NSD2: variants seen among roughly 807,000 people sequenced by gnomAD.
NSD2 encodes histone-lysine N-methyltransferase NSD2.
Under a neutral mutation model 139.0 loss-of-function variants are expected in NSD2, and 12 were observed. The observed-to-expected ratio is 0.09, with a 90% CI of 0.06 to 0.14. NSD2 has a LOEUF of 0.14. NSD2 is among the 10% of genes least tolerant of loss of function. The pLI, the probability that NSD2 is intolerant of heterozygous loss-of-function variation, is 1.00. For synonymous variants in NSD2, 669 were observed against 648.7 expected, an observed-to-expected ratio of 1.03 and a Z score of -0.48; for missense variants, 1,155 against 1,745.0, an observed-to-expected ratio of 0.66 and a Z score of 6.02.
intron 4 of NSD2, among the ~76,000 whole-genome samples, chr4:1,917,472 G>A (rs1405145153): frequency 6.6e-6 from 1 of 152,168 alleles, no homozygotes; most frequent in African/African-American, 2.4e-5. Flanking sequence ...TTTCACTCTT[G>A]TCGCCCAGGC....
chr4:1,981,984 T>C lies in NSD2; in HGVS notation c.*3075T>C. 1 of 398,538 alleles carries C rather than the reference T, an allele frequency of 2.5e-6. No homozygotes were observed. The highest frequency in any genetic ancestry group is 4.4e-6 in the Non-Finnish European group (1 of 226,038). The allele number at this position is 398,538 out of a possible 1,614,324, so 24.7% of individuals were successfully genotyped here. On this transcript the variant is annotated 3_prime_UTR_variant, in exon 22 of 22. Transcript: ENST00000508803. ...CTATTGGTGTCTAAACTTCATACAA[T>C]GTAAGGTCAGATTCCTTTTAGGAAT... is the stretch of plus-strand genomic sequence containing the variant.
intron 5 of NSD2, among the ~76,000 whole-genome samples, chr4:1,929,510 A>G (rs1721378278): frequency 6.6e-6 from 1 of 152,214 alleles, no homozygotes; most frequent in African/African-American, 2.4e-5. Context: ...GCCAGTCAGC[A>G]GACTTTCCAA....
chr4:1,937,050 AC>A (rs1156908029), intron 7 of NSD2, among the ~76,000 whole-genome samples: 2 of 149,262 alleles, frequency 1.3e-5, no homozygotes, highest in African/African-American at 4.9e-5. Context: ...TGCTCTGGTC[AC>A]CTAATTTTTT....
At chr4:1,934,848 A>T (rs1413817171) in intron 6 of NSD2, among the ~76,000 whole-genome samples, 1 of 17,610 alleles carries the variant, frequency 5.7e-5, no homozygotes, top group East Asian at 2.1e-3. Context: ...ACTCCATCTT[A>T]AAAAAAAAAA....
intron 18 of NSD2, among the ~76,000 whole-genome samples, chr4:1,963,558 GTT>G (rs1577556807): frequency 6.6e-6 from 1 of 152,188 alleles, no homozygotes; most frequent in East Asian, 1.9e-4. Flanking sequence ...GGATACTGCA[GTT>G]TGCTTTTGAT....
chr4:1,978,908 A>G lies in NSD2; in HGVS notation c.4097A>G (p.Ter1366TrpextTer64). The change falls in exon 22 of 22, where the codon TAG (stop) becomes TGG (tryptophan). Residue 1366 changes from the stop codon to tryptophan, a stop_lost. Coordinates refer to ENST00000508803, the MANE Select transcript of NSD2 (RefSeq NM_001042424.3). Reference protein sequence around the residue: ...RGWRRVTEGK* With the variant: ...RGWRRVTEGKW ...TGGCGGAGAGTCACAGAGGGCAAAT[A>G]GCGCCAGGCGGCCGCTTGGCCGGAT... The G allele has an allele frequency of 6.6e-7, 1 of 1,517,826 alleles. No individual in the cohort carries two copies. Among genetic ancestry groups the G allele is most frequent in the Non-Finnish European group, 8.8e-7 (1 of 1,131,132 alleles). The allele number at this position is 1,517,826 out of a possible 1,614,324, so 94.0% of individuals were successfully genotyped here.
intron 5 of NSD2, among the ~76,000 whole-genome samples, chr4:1,924,830 G>A (rs553101259): frequency 6.6e-6 from 1 of 152,266 alleles, no homozygotes; most frequent in South Asian, 2.1e-4. Context: ...AGGAAGCTGA[G>A]GCAGGAGGAC....
intron 3 of NSD2, among the ~76,000 whole-genome samples, chr4:1,907,953 AC>A (rs1346200135): frequency 3.3e-5 from 5 of 151,894 alleles, no homozygotes; most frequent in African/African-American, 9.7e-5. Context: ...TGGCACTGTT[AC>A]CCCCAAATAC....
intron 6 of NSD2, among the ~76,000 whole-genome samples, chr4:1,931,210 A>AAG (rs1721595208): frequency 6.6e-6 from 1 of 152,196 alleles, no homozygotes; most frequent in African/African-American, 2.4e-5. Context: ...TTTCGGCTGT[A>AAG]GTCTGCACCT....
At chr4:1,967,801 G>A (rs1374064195) in intron 18 of NSD2, among the ~76,000 whole-genome samples, 1 of 152,156 alleles carries the variant, frequency 6.6e-6, no homozygotes, top group Non-Finnish European at 1.5e-5. Flanking sequence ...AACTCAAGTG[G>A]TTATACAGGA....
At chr4:1,882,986 TTGG>T (rs1473506380) in intron 1 of NSD2, among the ~76,000 whole-genome samples, 1 of 152,058 alleles carries the variant, frequency 6.6e-6, no homozygotes, top group Non-Finnish European at 1.5e-5. Context: ...GTGAAAGAGC[TTGG>T]TGGTTGGCCA....
In NSD2 at chr4:1,978,982, A is replaced by C. The variant is rs1727457147; in HGVS notation, c.*73A>C. 7.0e-7 allele frequency: 1 copy of C among 1,434,978 alleles called. No homozygotes were observed. Among genetic ancestry groups the C allele is most frequent in the African/African-American group, 1.4e-5 (1 of 69,612 alleles). 88.9% of individuals were successfully genotyped at this position (1,434,978 alleles called of 1,614,324 possible). A position where few individuals can be genotyped will look rare whatever the true frequency, so the allele number is the denominator to read the frequency against. On this transcript the variant is annotated 3_prime_UTR_variant, in exon 22 of 22. Coordinates refer to ENST00000508803, the MANE Select transcript of NSD2 (RefSeq NM_001042424.3). The stretch of plus-strand genomic sequence containing the variant: ...GCCCTGCCTGCGGGAGAGGGCGAGC[A>C]TGAACTGGCCCGGAGGACCCAGCTC...
rs1252945475 is a variant in NSD2 at position 1,952,170 on chromosome 4, C to T, written c.2076C>T (p.Leu692=). 1.9e-6 allele frequency: 3 copies of T among 1,614,032 alleles called. No homozygotes were observed. The highest frequency in any genetic ancestry group is 2.5e-6 in the Non-Finnish European group (3 of 1,180,044). The change falls in exon 11 of 22, where the codon CTC becomes CTT. Residue 692 remains leucine, a synonymous_variant. Coordinates refer to ENST00000508803, the MANE Select transcript of NSD2 (RefSeq NM_001042424.3). ...CEGPCCGAFH[L]ACLGLSRRPE... Reference sequence around the variant, plus strand: ...GACCCTGCTGCGGAGCTTTCCACCTCGCCTGCCTTGGGCTTTCCCGGAGGC... The same window carrying T: ...GACCCTGCTGCGGAGCTTTCCACCTTGCCTGCCTTGGGCTTTCCCGGAGGC...
In NSD2 at chr4:1,978,558, G is replaced by C. The variant is rs924483873; in HGVS notation, c.3827-80G>C. ...TTTGTGTTCATTTGACCTGACAGTT[G>C]TAAGTCATCTTCAACCACGATAATG... On this transcript the variant is annotated intron_variant, in intron 21 of 21. Transcript: ENST00000508803. 1.5e-5 allele frequency: 23 copies of C among 1,533,268 alleles called. No homozygotes were observed. In the African/African-American group the frequency reaches 2.6e-4, roughly 17 times the overall value. 95.0% of individuals were successfully genotyped at this position (1,533,268 alleles called of 1,614,324 possible). A position where few individuals can be genotyped will look rare whatever the true frequency, so the allele number is the denominator to read the frequency against.
chr4:1,915,130 T>C (rs1420107404), intron 3 of NSD2, among the ~76,000 whole-genome samples: 1 of 140,732 alleles, frequency 7.1e-6, no homozygotes, highest in Non-Finnish European at 1.5e-5. Context: ...TTTTTTTTTT[T>C]TTTGAGACGG....
intron 6 of NSD2, among the ~76,000 whole-genome samples, chr4:1,932,917 G>T (rs1236457201): frequency 1.3e-5 from 2 of 152,362 alleles, no homozygotes; most frequent in East Asian, 1.9e-4. Context: ...GGCTGGCTTT[G>T]TGCTCACGAA....
intron 3 of NSD2, among the ~76,000 whole-genome samples, chr4:1,907,889 A>T (rs1718148216): frequency 1.3e-5 from 2 of 152,118 alleles, no homozygotes; most frequent in Non-Finnish European, 2.9e-5. Flanking sequence ...TACAGGCATG[A>T]GTCACTGTGC....
At chr4:1,919,955 C>A (rs1719906690) in intron 5 of NSD2, among the ~76,000 whole-genome samples, 1 of 151,880 alleles carries the variant, frequency 6.6e-6, no homozygotes, top group African/African-American at 2.4e-5. Context: ...GAAAAAAAGT[C>A]TGTCTTCAAA....
intron 9 of NSD2, chr4:1,941,714 C>T: frequency 2.9e-6 from 3 of 1,046,760 alleles, no homozygotes; most frequent in Non-Finnish European, 3.5e-6. Context: ...ATTACTGGGT[C>T]TTTTCCATTA....
Sources: gnomAD v4.1 joint callset for allele counts (sites outside exome capture counted in the v4.1 genomes callset) on GRCh38, gnomAD v4.1.1 for gene constraint, MANE v1.5 for transcripts, NCBI Gene and HGNC (gene_info 2026-07-23, HGNC 2026-07-21) for gene names.